The following LOXL1 variants were observed in gnomAD, a reference collection of about 807,000 sequenced individuals.
The protein encoded by LOXL1 is lysyl oxidase homolog 1.
Under a neutral mutation model 62.2 loss-of-function variants are expected in LOXL1, and 31 were observed. The observed-to-expected ratio is 0.50, with a 90% CI of 0.37 to 0.67. LOXL1 has a LOEUF of 0.67. Among genes scored for constraint, LOXL1 ranks in the 30% least tolerant of loss-of-function variants. The pLI is 0.00. For synonymous variants in LOXL1, 403 were observed against 384.4 expected (o/e 1.05, Z -0.56); for missense variants, 775 against 843.4 (o/e 0.92, Z 1.00).
intron 2 of LOXL1, 148 bp from the exon 3 acceptor site, chr15:73,946,269 G>T (rs575206832): frequency 3.2e-6 from 2 of 617,310 alleles, no homozygotes; most frequent in Non-Finnish European, 2.9e-6. Flanking sequence ...GCCACAGTTC[G>T]AGGAGACAGA....
At chr15:73,941,636 C>T (rs1206954018) in intron 1 of LOXL1, among the ~76,000 whole-genome samples, 1 of 152,176 alleles carries the variant, frequency 6.6e-6, no homozygotes, top group Non-Finnish European at 1.5e-5. Flanking sequence ...TTATCACTTA[C>T]CTGACAGAAT....
chr15:73,951,466 C>T (rs1279060100), intron 6 of LOXL1, among the ~76,000 whole-genome samples: 2 of 151,532 alleles, frequency 1.3e-5, no homozygotes, highest in African/African-American at 4.9e-5. Context: ...ACGGGACTGA[C>T]GCCTGTGGGT....
At chr15:73,933,301 G>A (rs2068647724) in intron 1 of LOXL1, among the ~76,000 whole-genome samples, 1 of 152,190 alleles carries the variant, frequency 6.6e-6, no homozygotes, top group South Asian at 2.1e-4. Flanking sequence ...TTAGACCTAG[G>A]CTGACTGTCC....
At chr15:73,943,566 A>C (rs12906558) in intron 2 of LOXL1, among the ~76,000 whole-genome samples, 102,277 of 152,062 alleles carry the variant, frequency 0.67, 35,391 homozygotes, top group Non-Finnish European at 0.77. Context: ...AGTTTCCATG[A>C]ACCTAGAAGG....
chr15:73,929,742 C>T (rs1232920672), intron 1 of LOXL1, among the ~76,000 whole-genome samples: 2 of 152,218 alleles, frequency 1.3e-5, no homozygotes, highest in Admixed American at 6.5e-5. Context: ...GGATGTTTTA[C>T]CTAGAGGGTG....
At chr15:73,942,363 G>C (rs548462973) in intron 1 of LOXL1, among the ~76,000 whole-genome samples, 1 of 152,162 alleles carries the variant, frequency 6.6e-6, no homozygotes, top group African/African-American at 2.4e-5. Context: ...GAAGCCCAGG[G>C]CTCTCTTGGT....
intron 5 of LOXL1, among the ~76,000 whole-genome samples, chr15:73,948,495 T>C (rs528971632): frequency 2.0e-5 from 3 of 152,230 alleles, no homozygotes; most frequent in East Asian, 1.9e-4. Flanking sequence ...TGTCTCAGCC[T>C]CCTCCACACA....
rs2068741788 is a variant in LOXL1 at position 73,945,551 on chromosome 15, G to T, written c.1212-866G>T. ...TTTGAAGCAGGAACCCAGGGTGTGT[G>T]GGGGAGTGGAAGGGCAGATGGGACT... On this transcript the variant is annotated intron_variant, in intron 2 of 6. Coordinates refer to ENST00000261921, the MANE Select transcript of LOXL1 (RefSeq NM_005576.4). The surrounding 1 kb of genome is among the most constrained non-coding windows in gnomAD (Gnocchi z 4.3). Among the ~76,000 whole-genome samples, 1 of 152,186 alleles carries T rather than the reference G, an allele frequency of 6.6e-6. No individual in the cohort carries two copies. Among genetic ancestry groups the T allele is most frequent in the Non-Finnish European group, 1.5e-5 (1 of 68,040 alleles).
chr15:73,946,380 C>G, intron 2 of LOXL1, 37 bp from the exon 3 acceptor site: 1 of 1,471,400 alleles, frequency 6.8e-7, no homozygotes, highest in Non-Finnish European at 9.4e-7. Context: ...TGTCACTGTG[C>G]CCCAACCCCC....
At chr15:73,937,013 A>C (rs1211136269) in intron 1 of LOXL1, among the ~76,000 whole-genome samples, 1 of 152,234 alleles carries the variant, frequency 6.6e-6, no homozygotes, top group Non-Finnish European at 1.5e-5. Flanking sequence ...AGATGGGGAA[A>C]GTGAGCCTCA....
At chr15:73,943,417 G>A (rs2068728163) in intron 2 of LOXL1, among the ~76,000 whole-genome samples, 1 of 152,250 alleles carries the variant, frequency 6.6e-6, no homozygotes, top group Non-Finnish European at 1.5e-5. Context: ...GAGCCCAGGA[G>A]TATGGAGCCA....
chr15:73,951,273 C>T (rs74684534), intron 6 of LOXL1, among the ~76,000 whole-genome samples: 4,858 of 152,302 alleles, frequency 0.032, 124 homozygotes, highest in Non-Finnish European at 0.052. Context: ...CGCGGCCCTC[C>T]CAGCTCCCCG....
At chr15:73,946,100 C>T (rs1399210517) in intron 2 of LOXL1, among the ~76,000 whole-genome samples, 1 of 152,128 alleles carries the variant, frequency 6.6e-6, no homozygotes, top group Non-Finnish European at 1.5e-5. Context: ...AGGGGCTGAC[C>T]CCAGCTGAGT....
chr15:73,942,762 A>T (rs2068723207), intron 1 of LOXL1, 92 bp from the exon 2 acceptor site: 2 of 792,120 alleles, frequency 2.5e-6, no homozygotes, highest in South Asian at 1.4e-5. Flanking sequence ...TTGGGGTGTG[A>T]GGAGGTCTCT....
chr15:73,927,928 G>A, intron 1 of LOXL1, 43 bp downstream of exon 1: 1 of 1,291,124 alleles, frequency 7.7e-7, no homozygotes, highest in Non-Finnish European at 9.8e-7. Context: ...CGTACCCCTG[G>A]CCACTGGAAA....
chr15:73,930,777 C>A lies in LOXL1; in HGVS notation c.1102+2892C>A, dbSNP rs62004866. ...GCCCTCTTCCTTCCTACCCTGGGCACTGAGACTGCCCAAGGCTTCCTGCAG... is the reference window on the plus strand; with the variant it reads ...GCCCTCTTCCTTCCTACCCTGGGCAATGAGACTGCCCAAGGCTTCCTGCAG... On this transcript the variant is annotated intron_variant, in intron 1 of 6. Transcript: ENST00000261921. The surrounding 1 kb of genome is among the most constrained non-coding windows in gnomAD (Gnocchi z 4.7). Among the ~76,000 whole-genome samples, 1 of 152,140 alleles carries A rather than the reference C, an allele frequency of 6.6e-6. No homozygotes were observed. The highest frequency in any genetic ancestry group is 2.4e-5 in the African/African-American group (1 of 41,444).
At chr15:73,943,006 G>A (rs374321173) in intron 2 of LOXL1, 44 bp downstream of exon 2, 48 of 1,493,920 alleles carry the variant, frequency 3.2e-5, no homozygotes, top group South Asian at 4.5e-5. Flanking sequence ...GATAGTCCCC[G>A]GGAGTCACCC....
rs62004866 is a variant in LOXL1 at position 73,930,777 on chromosome 15, C to G, written c.1102+2892C>G. ...GCCCTCTTCCTTCCTACCCTGGGCA[C>G]TGAGACTGCCCAAGGCTTCCTGCAG... On this transcript the variant is annotated intron_variant, in intron 1 of 6. Transcript: ENST00000261921. This position sits in a 1 kb window ranked among gnomAD's most constrained non-coding sequence, Gnocchi z 4.7. Among the ~76,000 whole-genome samples the G allele has an allele frequency of 0.071, 10,818 of 152,246 alleles. 622 individuals are homozygous for G. Among genetic ancestry groups the G allele is most frequent in the Non-Finnish European group, 0.11 (7,706 of 67,994 alleles).
At chr15:73,948,879 C>T (rs991562536) in intron 5 of LOXL1, among the ~76,000 whole-genome samples, 5 of 152,228 alleles carry the variant, frequency 3.3e-5, no homozygotes, top group Admixed American at 1.3e-4. Context: ...AAAGTTGCAT[C>T]CCTGCATCTG....
Sources: allele counts gnomAD v4.1 joint callset (sites outside exome capture counted in the v4.1 genomes callset), GRCh38; gene constraint gnomAD v4.1.1; non-coding constraint Gnocchi (gnomAD v3.1); transcripts MANE v1.5; gene names NCBI Gene and HGNC (gene_info 2026-07-23, HGNC 2026-07-21).